PARD3B: variants seen among roughly 807,000 people sequenced by gnomAD.
PARD3B encodes par-3 family cell polarity regulator beta.
Under a neutral mutation model 130.2 loss-of-function variants are expected in PARD3B, and 103 were observed. That is an observed-to-expected ratio of 0.79 (90% CI 0.67 to 0.93). PARD3B has a LOEUF of 0.93. Among genes scored for constraint, PARD3B ranks in the 40% least tolerant of loss-of-function variants. The pLI, the probability that PARD3B is intolerant of heterozygous loss-of-function variation, is 0.00. For missense variants in PARD3B, 1,609 were observed against 1,499.2 expected (o/e 1.07, Z -1.21); for synonymous variants, 583 against 553.2 (o/e 1.05, Z -0.76).
intron 21 of PARD3B, among the ~76,000 whole-genome samples, chr2:205,517,546 A>G (rs980251043): frequency 5.3e-5 from 8 of 152,130 alleles, no homozygotes; most frequent in Non-Finnish European, 1.0e-4. Flanking sequence ...GGAATCATTG[A>G]TCTTGTGACT....
intron 2 of PARD3B, among the ~76,000 whole-genome samples, chr2:204,845,337 A>G (rs2044416342): frequency 6.6e-6 from 1 of 152,154 alleles, no homozygotes. Flanking sequence ...CAACTTTTTC[A>G]TGTGGAAAAC....
At chr2:205,370,443 C>T (rs1419906977) in intron 18 of PARD3B, among the ~76,000 whole-genome samples, 4 of 152,050 alleles carry the variant, frequency 2.6e-5, no homozygotes, top group Admixed American at 1.3e-4. Context: ...CCTGTTTTTC[C>T]CACAGCATGG....
chr2:205,135,573 T>A (rs1417336172), intron 10 of PARD3B, among the ~76,000 whole-genome samples: 1 of 1,064 alleles, frequency 9.4e-4, no homozygotes, highest in African/African-American at 1.3e-3. Context: ...TAAGATCACC[T>A]TTTTTTTTTT....
chr2:205,470,460 A>G lies in PARD3B; in HGVS notation c.3045-29436A>G, dbSNP rs2048786453. 6.6e-6 allele frequency among the ~76,000 whole-genome samples: 1 copy of G among 152,150 alleles called. No homozygotes were observed. The stretch of plus-strand genomic sequence containing the variant: ...GACTCCCTCTGCTCACCCCTGCAGG[A>G]GTATTTAAGCTTAACCCCAGATTTC... On this transcript the variant is annotated intron_variant, in intron 20 of 22. Transcript: ENST00000406610. This position sits in a 1 kb window ranked among gnomAD's most constrained non-coding sequence, Gnocchi z 4.8.
At chr2:205,149,290 C>T (rs1450631324) in intron 10 of PARD3B, among the ~76,000 whole-genome samples, 1 of 152,168 alleles carries the variant, frequency 6.6e-6, no homozygotes, top group East Asian at 1.9e-4. Flanking sequence ...GTTGGCCAGG[C>T]TGGTCTCAAA....
At chr2:204,758,126 G>T (rs2040754791) in intron 2 of PARD3B, among the ~76,000 whole-genome samples, 1 of 152,102 alleles carries the variant, frequency 6.6e-6, no homozygotes, top group Admixed American at 6.6e-5. Context: ...CCTCCATGTG[G>T]CAGTGTCTCA....
chr2:204,754,418 A>G (rs372251336), intron 2 of PARD3B, among the ~76,000 whole-genome samples: 13 of 152,150 alleles, frequency 8.5e-5, no homozygotes, highest in African/African-American at 1.7e-4. Flanking sequence ...CTGTCTGTCA[A>G]TAGCTTTGAG....
intron 2 of PARD3B, among the ~76,000 whole-genome samples, chr2:204,765,923 A>G (rs1392631197): frequency 1.3e-5 from 2 of 152,216 alleles, no homozygotes; most frequent in African/African-American, 4.8e-5. Flanking sequence ...TGCAGTTAGT[A>G]TAGCCCACAA....
intron 15 of PARD3B, among the ~76,000 whole-genome samples, chr2:205,209,729 C>T (rs149327434): frequency 1.3e-5 from 2 of 151,814 alleles, no homozygotes; most frequent in East Asian, 1.9e-4. Flanking sequence ...TGATTAAAGA[C>T]ACTGTAAGGA....
chr2:205,502,783 G>A (rs1192424684), intron 21 of PARD3B, among the ~76,000 whole-genome samples: 3 of 151,958 alleles, frequency 2.0e-5, no homozygotes, highest in Non-Finnish European at 4.4e-5. Context: ...AAGTTTATTA[G>A]GGTCTATGAA....
chr2:204,885,099 C>T (rs1375360522), intron 2 of PARD3B, among the ~76,000 whole-genome samples: 5 of 152,152 alleles, frequency 3.3e-5, no homozygotes, highest in East Asian at 3.9e-4. Context: ...CCATCAATGG[C>T]GTAAAAACAT....
intron 11 of PARD3B, among the ~76,000 whole-genome samples, chr2:205,165,819 T>G (rs10202338): frequency 6.6e-6 from 1 of 151,832 alleles, no homozygotes; most frequent in Non-Finnish European, 1.5e-5. Context: ...CTTCATTGGT[T>G]TGTTACATAG....
intron 20 of PARD3B, among the ~76,000 whole-genome samples, chr2:205,478,458 C>A (rs1223887693): frequency 2.0e-5 from 3 of 152,142 alleles, no homozygotes; most frequent in African/African-American, 7.2e-5. Context: ...ACTTCCTGGG[C>A]AGCAAGCATA....
chr2:205,560,812 TAGAA>T (rs1271908413), intron 22 of PARD3B, among the ~76,000 whole-genome samples: 4 of 152,242 alleles, frequency 2.6e-5, no homozygotes, highest in Non-Finnish European at 5.9e-5. Flanking sequence ...TGAGTGTGGA[TAGAA>T]AGAGCAACTT....
intron 12 of PARD3B, among the ~76,000 whole-genome samples, chr2:205,175,106 G>A (rs551949407): frequency 6.6e-6 from 1 of 152,234 alleles, no homozygotes; most frequent in South Asian, 2.1e-4. Flanking sequence ...CTCTGCGACG[G>A]CTCTATTTTA....
intron 20 of PARD3B, among the ~76,000 whole-genome samples, chr2:205,499,340 CTGTTT>C (rs1433497297): frequency 4.0e-5 from 6 of 151,402 alleles, no homozygotes; most frequent in East Asian, 1.9e-4. Flanking sequence ...AACTTTCTTA[CTGTTT>C]TGTTTTGTTT....
At chr2:204,574,498 G>A (rs192178058) in intron 1 of PARD3B, among the ~76,000 whole-genome samples, 3 of 152,222 alleles carry the variant, frequency 2.0e-5, no homozygotes, top group Non-Finnish European at 4.4e-5. Flanking sequence ...ATTTTTACAC[G>A]ATGGTCTAAG....
intron 1 of PARD3B, among the ~76,000 whole-genome samples, chr2:204,644,035 A>C (rs1037302276): frequency 1.3e-5 from 2 of 152,140 alleles, no homozygotes; most frequent in African/African-American, 2.4e-5. Flanking sequence ...TTCCTTTAGC[A>C]ACAGCAATTT....
chr2:204,571,744 A>G (rs1159215383), intron 1 of PARD3B, among the ~76,000 whole-genome samples: 1 of 152,232 alleles, frequency 6.6e-6, no homozygotes, highest in African/African-American at 2.4e-5. Context: ...GACTTAATAC[A>G]GTAGTAGATG....
Sources: allele counts gnomAD v4.1 joint callset (sites outside exome capture counted in the v4.1 genomes callset), GRCh38; gene constraint gnomAD v4.1.1; non-coding constraint Gnocchi (gnomAD v3.1); transcripts MANE v1.5; gene names NCBI Gene and HGNC (gene_info 2026-07-23, HGNC 2026-07-21).